The following ZFHX3 variants were observed in gnomAD, a reference collection of about 807,000 sequenced individuals.
ZFHX3 encodes zinc finger homeobox protein 3.
ZFHX3 carries 42 observed loss-of-function variants against 279.1 expected under a neutral mutation model. The ratio of observed to expected loss-of-function variants is 0.15; its 90% CI spans 0.12 to 0.19. ZFHX3 has a LOEUF of 0.19. Among genes scored for constraint, ZFHX3 ranks in the 10% least tolerant of loss-of-function variants. The pLI, the probability that ZFHX3 is intolerant of heterozygous loss-of-function variation, is 1.00. For missense variants in ZFHX3, 4,981 were observed against 4,754.0 expected, an observed-to-expected ratio of 1.05 and a Z score of -1.40; for synonymous variants, 2,293 against 1,957.8, an observed-to-expected ratio of 1.17 and a Z score of -4.52.
At position 73,242,102 on chromosome 16, in the gene ZFHX3, CTT is replaced by C. The variant is rs148713304; in HGVS notation, c.-1104+14943_-1104+14944del. On this transcript the variant is annotated intron_variant, in intron 5 of 17. Coordinates refer to the ZFHX3 transcript ENST00000641206. ...TCTGGGTTCCTAACTAGCAATCTGA[CTT>C]TTTGGGCATATTCATGGAGATACGG... Among the ~76,000 whole-genome samples, 999 of 152,226 alleles carry C rather than the reference CTT, an allele frequency of 6.6e-3. 13 individuals carry two copies. Among genetic ancestry groups the C allele is most frequent in the African/African-American group, 0.023 (959 of 41,508 alleles).
At chr16:73,093,439 C>A (rs370685288) in exon 8 of ZFHX3, 2 of 487,960 alleles carry the variant, frequency 4.1e-6, no homozygotes, top group Non-Finnish European at 8.2e-6. Flanking sequence ...GGGCCCCTTT[C>A]GCTCAGCTCT....
chr16:72,879,470 G>C (rs2038405406), intron 4 of ZFHX3, among the ~76,000 whole-genome samples: 1 of 152,152 alleles, frequency 6.6e-6, no homozygotes, highest in Non-Finnish European at 1.5e-5. Flanking sequence ...CTGTCGCCCA[G>C]GTTGAAGTGC....
At chr16:73,889,379 C>T (rs939360960) in intron 1 of ZFHX3, among the ~76,000 whole-genome samples, 3 of 152,112 alleles carry the variant, frequency 2.0e-5, no homozygotes, top group Non-Finnish European at 2.9e-5. Flanking sequence ...GCACAGTGTT[C>T]AGTGAGACCC....
chr16:73,659,628 T>G (rs2052759353), intron 2 of ZFHX3, among the ~76,000 whole-genome samples: 1 of 152,124 alleles, frequency 6.6e-6, no homozygotes, highest in African/African-American at 2.4e-5. Flanking sequence ...TACAGTATTC[T>G]TAGTTAACTG....
intron 1 of ZFHX3, among the ~76,000 whole-genome samples, chr16:73,008,530 T>C (rs1963795318): frequency 6.6e-6 from 1 of 152,166 alleles, no homozygotes; most frequent in Admixed American, 6.5e-5. Context: ...ACACTCCTTG[T>C]AGAAGGGATA....
intron 2 of ZFHX3, chr16:73,554,644 C>T (rs1567517466): frequency 6.6e-6 from 1 of 152,176 alleles, no homozygotes; most frequent in Non-Finnish European, 1.5e-5. Flanking sequence ...TTCTGGCTTT[C>T]ACAGACCTCG....
At chr16:73,305,494 C>T (rs537006936) in intron 4 of ZFHX3, among the ~76,000 whole-genome samples, 3 of 151,866 alleles carry the variant, frequency 2.0e-5, no homozygotes, top group African/African-American at 7.3e-5. Flanking sequence ...AAGAAAGACA[C>T]CCCTGCAGCT....
chr16:73,600,662 C>G (rs373198214), intron 2 of ZFHX3, among the ~76,000 whole-genome samples: 1 of 152,014 alleles, frequency 6.6e-6, no homozygotes, highest in Non-Finnish European at 1.5e-5. Context: ...CCTCGTGATC[C>G]GCCCGCCTCG....
At chr16:73,490,562 G>A (rs773382089) in intron 2 of ZFHX3, among the ~76,000 whole-genome samples, 10 of 152,218 alleles carry the variant, frequency 6.6e-5, no homozygotes, top group African/African-American at 2.4e-5. Context: ...AAATAGGTCA[G>A]TGCAGTGGCT....
chr16:73,634,433 A>AATATCTATATATATATATATAT (rs2052508520), intron 2 of ZFHX3, among the ~76,000 whole-genome samples: 1 of 59,884 alleles, frequency 1.7e-5, no homozygotes, highest in African/African-American at 4.4e-5. Flanking sequence ...TATTATGTAT[A>AATATCTATATATATATATATAT]ATATATATAT....
intron 4 of ZFHX3, among the ~76,000 whole-genome samples, chr16:72,871,493 C>T (rs1316107513): frequency 6.6e-6 from 1 of 152,120 alleles, no homozygotes; most frequent in Admixed American, 6.5e-5. Context: ...AAGCACGCGC[C>T]ACCACGCCCA....
rs138667148 is a variant in ZFHX3, at chr16:72,957,438, G to A, written c.2708C>T (p.Thr903Met). Residue 903 changes from threonine to methionine, a missense_variant, in exon 2 of 10, where the codon ACG becomes ATG. Thr to Met is a moderately conservative substitution (Grantham distance 81). Transcript: ENST00000268489. ...LDPAGPMAAM[T>M]PALVGGEIPL... is the part of the protein sequence containing the mutation. The stretch of plus-strand genomic sequence containing the variant: ...GTAGTCATCCTCACCTAGAGCAGGC[G>A]TCATGGCGGCCATGGGCCCGGCGGG... 1.6e-5 allele frequency: 25 copies of A among 1,609,456 alleles called. No individual in the cohort carries two copies. The African/African-American group carries it at 1.9e-4, about 12-fold the overall frequency.
chr16:73,086,859 C>T (rs976632027), intron 8 of ZFHX3, among the ~76,000 whole-genome samples: 1 of 152,110 alleles, frequency 6.6e-6, no homozygotes, highest in Non-Finnish European at 1.5e-5. Context: ...GCTGTGATGA[C>T]ACCACTGCAC....
Position 73,185,954 on chromosome 16 carries a change from C to T in ZFHX3, c.-1103-42123G>A, listed in dbSNP as rs550682837. On this transcript the variant is annotated intron_variant, in intron 5 of 17. Coordinates refer to the ZFHX3 transcript ENST00000641206. ...TCATTACCACCTTAGCTCTGCCTCC[C>T]GTCAGATCAGCAGCGGCATGAGATT... 1.8e-4 allele frequency among the ~76,000 whole-genome samples: 28 copies of T among 152,250 alleles called. No individual in the cohort carries two copies. The South Asian group carries it at 5.6e-3, about 30-fold the overall frequency.
intron 1 of ZFHX3, chr16:72,973,553 G>C (rs1962198574): frequency 6.6e-6 from 1 of 152,198 alleles, no homozygotes; most frequent in Non-Finnish European, 1.5e-5. Context: ...CCTTAAAGAA[G>C]CACAAGCTCA....
chr16:73,781,160 G>A (rs1959456564), intron 1 of ZFHX3, among the ~76,000 whole-genome samples: 1 of 152,136 alleles, frequency 6.6e-6, no homozygotes, highest in South Asian at 2.1e-4. Context: ...AACACTCCCT[G>A]CCTCATTACC....
chr16:73,052,934 G>C (rs569423639), upstream of ZFHX3, among the ~76,000 whole-genome samples: 22 of 152,268 alleles, frequency 1.4e-4, no homozygotes, highest in South Asian at 8.3e-4. Context: ...GCCACGGAAG[G>C]GGGGAGAGGT....
intron 1 of ZFHX3, among the ~76,000 whole-genome samples, chr16:73,784,820 C>T (rs1422872709): frequency 3.5e-5 from 5 of 144,740 alleles, no homozygotes; most frequent in East Asian, 2.0e-4. Context: ...TATATATACA[C>T]ACACACACAC....
At chr16:72,888,647 G>C (rs1005959867) in intron 4 of ZFHX3, among the ~76,000 whole-genome samples, 5 of 152,208 alleles carry the variant, frequency 3.3e-5, no homozygotes, top group Admixed American at 3.3e-4. Context: ...CGGAAGCCAA[G>C]GGAAGGCAAG....
Sources: allele counts gnomAD v4.1 joint callset (sites outside exome capture counted in the v4.1 genomes callset), GRCh38; gene constraint gnomAD v4.1.1; transcripts MANE v1.5; gene names NCBI Gene and HGNC (gene_info 2026-07-23, HGNC 2026-07-21).